The following PTPRD variants were observed in gnomAD, a reference collection of about 807,000 sequenced individuals.
The protein encoded by PTPRD is receptor-type tyrosine-protein phosphatase delta.
Under a neutral mutation model 214.5 loss-of-function variants are expected in PTPRD, and 34 were observed. The ratio of observed to expected loss-of-function variants is 0.16; its 90% CI spans 0.12 to 0.21. The LOEUF (loss-of-function observed/expected upper bound fraction) is 0.21. Ranked by LOEUF, PTPRD falls within the 10% of genes least tolerant of loss-of-function variation. The pLI is 1.00. For synonymous variants in PTPRD, 1,128 were observed against 845.7 expected (o/e 1.33, Z -5.79); for missense variants, 2,545 against 2,398.7 (o/e 1.06, Z -1.27).
At chr9:9,306,139 G>T (rs1484278464) in intron 9 of PTPRD, among the ~76,000 whole-genome samples, 1 of 152,088 alleles carries the variant, frequency 6.6e-6, no homozygotes, top group Non-Finnish European at 1.5e-5. Flanking sequence ...AGTTGCCTTT[G>T]GCCAAGTGGA....
At chr9:10,321,659 CTT>C (rs1246313888) in intron 3 of PTPRD, among the ~76,000 whole-genome samples, 2 of 151,760 alleles carry the variant, frequency 1.3e-5, no homozygotes, top group Non-Finnish European at 2.9e-5. Context: ...AAAATCAACT[CTT>C]TTATTTGTTT....
At chr9:9,742,698 A>G (rs1304351093) in intron 6 of PTPRD, among the ~76,000 whole-genome samples, 1 of 152,124 alleles carries the variant, frequency 6.6e-6, no homozygotes, top group African/African-American at 2.4e-5. Flanking sequence ...CATCTCAAAT[A>G]TGTAACACAA....
intron 30 of PTPRD, among the ~76,000 whole-genome samples, chr9:8,478,845 G>A (rs754069283): frequency 4.6e-5 from 7 of 152,092 alleles, no homozygotes; most frequent in East Asian, 3.9e-4. Flanking sequence ...ACACTTTTTC[G>A]GTGTTGAGGA....
At chr9:9,096,848 G>A (rs2099784277) in intron 10 of PTPRD, among the ~76,000 whole-genome samples, 1 of 152,228 alleles carries the variant, frequency 6.6e-6, no homozygotes, top group Non-Finnish European at 1.5e-5. Context: ...AGGACTGCAT[G>A]TCAGGGATGC....
At chr9:10,167,231 C>T (rs955448035) in intron 3 of PTPRD, among the ~76,000 whole-genome samples, 1 of 151,382 alleles carries the variant, frequency 6.6e-6, no homozygotes, top group African/African-American at 2.4e-5. Context: ...AGAGTCTTCT[C>T]TAGTAATAGT....
intron 4 of PTPRD, among the ~76,000 whole-genome samples, chr9:9,978,308 T>C (rs1223026079): frequency 6.6e-6 from 1 of 151,890 alleles, no homozygotes; most frequent in Non-Finnish European, 1.5e-5. Context: ...GTAAAAAAGG[T>C]GGAGAACATA....
intron 3 of PTPRD, among the ~76,000 whole-genome samples, chr9:10,066,941 T>G (rs1444562874): frequency 1.3e-5 from 2 of 151,142 alleles, no homozygotes; most frequent in South Asian, 4.2e-4. Context: ...GTTGCTTTGA[T>G]GTAAGAGTTG....
chr9:9,323,575 A>T (rs1967866779), intron 9 of PTPRD, among the ~76,000 whole-genome samples: 1 of 152,124 alleles, frequency 6.6e-6, no homozygotes, highest in South Asian at 2.1e-4. Context: ...ATCTGATACC[A>T]ATTCGAGAAC....
chr9:9,502,309 C>G (rs10125464), intron 8 of PTPRD, among the ~76,000 whole-genome samples: 2 of 151,840 alleles, frequency 1.3e-5, no homozygotes, highest in African/African-American at 2.4e-5. Flanking sequence ...CACCATTATA[C>G]GCTCTGCTGC....
At chr9:9,791,724 A>C (rs2098968746) in intron 5 of PTPRD, among the ~76,000 whole-genome samples, 4 of 152,174 alleles carry the variant, frequency 2.6e-5, no homozygotes, top group African/African-American at 9.6e-5. Context: ...CTTTCCTTTT[A>C]ATTATGTTTC....
At chr9:8,930,238 T>G (rs1209378257) in intron 11 of PTPRD, among the ~76,000 whole-genome samples, 1 of 151,938 alleles carries the variant, frequency 6.6e-6, no homozygotes, top group Non-Finnish European at 1.5e-5. Flanking sequence ...TGCGATAGTT[T>G]GCTGAGAATG....
chr9:9,034,391 T>C (rs1295836519), intron 10 of PTPRD, among the ~76,000 whole-genome samples: 1 of 152,162 alleles, frequency 6.6e-6, no homozygotes, highest in Non-Finnish European at 1.5e-5. Context: ...ATTTAAATTG[T>C]GAGTCTGAGG....
intron 11 of PTPRD, among the ~76,000 whole-genome samples, chr9:8,940,914 C>T (rs2154294626): frequency 1.3e-5 from 2 of 152,058 alleles, no homozygotes; most frequent in South Asian, 4.1e-4. Flanking sequence ...TTTTTCATGC[C>T]TTGAGCCCAA....
chr9:8,526,401 T>C (rs964295306), intron 17 of PTPRD, among the ~76,000 whole-genome samples: 1 of 150,068 alleles, frequency 6.7e-6, no homozygotes, highest in Non-Finnish European at 1.5e-5. Context: ...ACAACTTAAA[T>C]AATCATTTTC....
chr9:8,487,702 C>G (rs904574576), intron 27 of PTPRD, among the ~76,000 whole-genome samples: 2 of 151,992 alleles, frequency 1.3e-5, no homozygotes, highest in Admixed American at 6.6e-5. Context: ...CCCAGCTACT[C>G]GGGAGGCTGA....
chr9:9,094,980 G>A (rs920948738), intron 10 of PTPRD, among the ~76,000 whole-genome samples: 1 of 152,090 alleles, frequency 6.6e-6, no homozygotes, highest in Non-Finnish European at 1.5e-5. Flanking sequence ...AATACTTCAT[G>A]ACCAAATGGA....
At chr9:8,792,698 C>T (rs559919079) in intron 11 of PTPRD, among the ~76,000 whole-genome samples, 4 of 152,054 alleles carry the variant, frequency 2.6e-5, no homozygotes, top group Non-Finnish European at 5.9e-5. Context: ...ATTTTGTGAG[C>T]AATTAAATTT....
chr9:10,185,571 A>G (rs2099326637), intron 3 of PTPRD, among the ~76,000 whole-genome samples: 1 of 152,078 alleles, frequency 6.6e-6, no homozygotes, highest in African/African-American at 2.4e-5. Flanking sequence ...CCCCAGGGAG[A>G]ATTGGTAACT....
chr9:9,935,629 A>T (rs928288780), intron 5 of PTPRD, among the ~76,000 whole-genome samples: 2 of 149,336 alleles, frequency 1.3e-5, no homozygotes, highest in Non-Finnish European at 1.5e-5. Flanking sequence ...AACAATCAAT[A>T]TCGTGAAAAT....
Sources: gnomAD v4.1 joint callset for allele counts (sites outside exome capture counted in the v4.1 genomes callset) on GRCh38, gnomAD v4.1.1 for gene constraint, MANE v1.5 for transcripts, NCBI Gene and HGNC (gene_info 2026-07-23, HGNC 2026-07-21) for gene names.